KCTD5: variants seen among roughly 807,000 people sequenced by gnomAD.
KCTD5 encodes the protein potassium channel tetramerization domain containing 5.
Under a neutral mutation model 27.9 loss-of-function variants are expected in KCTD5, and 12 were observed. The ratio of observed to expected loss-of-function variants is 0.43; its 90% CI spans 0.28 to 0.70. KCTD5 has a LOEUF of 0.70. Ranked by LOEUF, KCTD5 falls within the 30% of genes least tolerant of loss-of-function variation. The pLI is 0.19. For missense variants in KCTD5, 226 were observed against 274.8 expected (o/e 0.82, Z 1.26); for synonymous variants, 147 against 121.4 (o/e 1.21, Z -1.39).
chr16:2,688,578 C>T (rs1388313154), intron 1 of KCTD5, among the ~76,000 whole-genome samples: 3 of 149,456 alleles, frequency 2.0e-5, no homozygotes, highest in Admixed American at 1.3e-4. Flanking sequence ...ACGCTTTTCC[C>T]CTCCCGCAGC....
intron 1 of KCTD5, among the ~76,000 whole-genome samples, chr16:2,690,678 A>G (rs959759012): frequency 2.0e-5 from 3 of 152,114 alleles, no homozygotes; most frequent in Admixed American, 6.5e-5. Flanking sequence ...TCCTCATCCC[A>G]GTCGTAGAGG....
chr16:2,707,918 A>G lies in KCTD5; in HGVS notation c.*591A>G, dbSNP rs926453214. On this transcript the variant is annotated 3_prime_UTR_variant, in exon 6 of 6. Coordinates refer to ENST00000301738, the MANE Select transcript of KCTD5 (RefSeq NM_018992.4). ...GGGCCTTCTTCTGACACGGGCTCCA[A>G]CCCCACCTGACCAAGCCCGGGACAG... 1 of 162,736 alleles carries G rather than the reference A, an allele frequency of 6.1e-6. No homozygotes were observed. Among genetic ancestry groups the G allele is most frequent in the African/African-American group, 2.4e-5 (1 of 41,744 alleles). 10.1% of individuals were successfully genotyped at this position (162,736 alleles called of 1,614,324 possible).
At chr16:2,703,593 C>T (rs566293264) in intron 5 of KCTD5, among the ~76,000 whole-genome samples, 33 of 152,296 alleles carry the variant, frequency 2.2e-4, no homozygotes, top group Admixed American at 1.9e-3. Context: ...GAGGTATGCC[C>T]TTGGGAACAG....
chr16:2,701,156 G>T (rs1297858154), intron 4 of KCTD5, among the ~76,000 whole-genome samples: 2 of 152,242 alleles, frequency 1.3e-5, no homozygotes, highest in African/African-American at 4.8e-5. Flanking sequence ...CCTGCCCGTG[G>T]TGGGCACCTG....
chr16:2,687,049 C>G (rs1216402362), intron 1 of KCTD5, among the ~76,000 whole-genome samples: 2 of 152,208 alleles, frequency 1.3e-5, no homozygotes, highest in Non-Finnish European at 2.9e-5. Flanking sequence ...ATCTTCTATT[C>G]TGGACCTCTG....
chr16:2,693,345 A>G (rs1281567373), intron 1 of KCTD5, among the ~76,000 whole-genome samples: 1 of 152,208 alleles, frequency 6.6e-6, no homozygotes, highest in Admixed American at 6.5e-5. Context: ...GCATCACCGC[A>G]CTGGGCCAGC....
chr16:2,701,658 T>A (rs2067612752), intron 4 of KCTD5, among the ~76,000 whole-genome samples: 1 of 152,212 alleles, frequency 6.6e-6, no homozygotes, highest in Non-Finnish European at 1.5e-5. Flanking sequence ...GAGGCCAAAG[T>A]GTGAGCCTCG....
intron 5 of KCTD5, among the ~76,000 whole-genome samples, chr16:2,705,961 T>C (rs1226281618): frequency 6.6e-6 from 1 of 152,156 alleles, no homozygotes; most frequent in Non-Finnish European, 1.5e-5. Flanking sequence ...TCCGCTGCGC[T>C]ACTTAGTTTT....
In KCTD5 at chr16:2,707,635, C is replaced by G. The variant is rs182293616; in HGVS notation, c.*308C>G. On this transcript the variant is annotated 3_prime_UTR_variant, in exon 6 of 6. Coordinates refer to ENST00000301738, the MANE Select transcript of KCTD5 (RefSeq NM_018992.4). ...ACACTCCCAGTCAGCCCGCTCGATC[C>G]TGAAGATCGTGTGAAGGAAGCGTTC... 1 of 597,356 alleles carries G rather than the reference C, an allele frequency of 1.7e-6. No homozygotes were observed. Among genetic ancestry groups the G allele is most frequent in the Non-Finnish European group, 3.0e-6 (1 of 335,580 alleles). The allele number at this position is 597,356 out of a possible 1,614,324, so 37.0% of individuals were successfully genotyped here.
chr16:2,692,102 C>G (rs1446181775), intron 1 of KCTD5, among the ~76,000 whole-genome samples: 1 of 152,198 alleles, frequency 6.6e-6, no homozygotes, highest in Non-Finnish European at 1.5e-5. Flanking sequence ...CAGGATCTCT[C>G]TTCAGGCACC....
At chr16:2,688,369 C>A (rs1413497417) in intron 1 of KCTD5, among the ~76,000 whole-genome samples, 1 of 151,582 alleles carries the variant, frequency 6.6e-6, no homozygotes, top group Non-Finnish European at 1.5e-5. Flanking sequence ...TCCTGCCCCA[C>A]CCTCCCAAGT....
Position 2,702,496 on chromosome 16 carries a change from C to A in KCTD5, c.675+18C>A. On this transcript the variant is annotated intron_variant, in intron 5 of 5. Transcript: ENST00000301738. ...AGGCCAAGGTGAGTGCTGGGCCGGC[C>A]CTGGCCTGGGGCAGTCTTGGGTGGG... 1.2e-6 allele frequency: 2 copies of A among 1,611,868 alleles called. No individual in the cohort carries two copies. Among genetic ancestry groups the A allele is most frequent in the Admixed American group, 3.3e-5 (2 of 59,930 alleles).
At chr16:2,687,763 A>G (rs1167400448) in intron 1 of KCTD5, among the ~76,000 whole-genome samples, 1 of 152,090 alleles carries the variant, frequency 6.6e-6, no homozygotes, top group Non-Finnish European at 1.5e-5. Context: ...GCCCCAGGTA[A>G]GCAGTCCCCA....
intron 1 of KCTD5, chr16:2,683,486 AGTTTT>A (rs2067527575): frequency 1.3e-5 from 2 of 152,026 alleles, no homozygotes; most frequent in Non-Finnish European, 2.9e-5. Context: ...TAATTGGCTT[AGTTTT>A]CCCACTGTCT....
intron 1 of KCTD5, among the ~76,000 whole-genome samples, chr16:2,688,581 C>T (rs1252905425): frequency 2.0e-5 from 3 of 149,288 alleles, no homozygotes. Context: ...CTTTTCCCCT[C>T]CCGCAGCCAC....
chr16:2,700,734 C>T (rs1267133790), intron 4 of KCTD5, among the ~76,000 whole-genome samples: 1 of 152,152 alleles, frequency 6.6e-6, no homozygotes, highest in Non-Finnish European at 1.5e-5. Flanking sequence ...AGCCAGTGTC[C>T]CTCTGAATGA....
At chr16:2,698,856 C>T (rs2067598468) in intron 3 of KCTD5, among the ~76,000 whole-genome samples, 1 of 152,216 alleles carries the variant, frequency 6.6e-6, no homozygotes. Context: ...CGCCCCGGGT[C>T]ACCTTGTCCA....
intron 5 of KCTD5, among the ~76,000 whole-genome samples, chr16:2,705,844 G>A (rs2067633267): frequency 6.6e-6 from 1 of 152,224 alleles, no homozygotes; most frequent in African/African-American, 2.4e-5. Flanking sequence ...CCTTGGGAGG[G>A]CGAAGGACAG....
At chr16:2,701,492 G>T (rs778859560) in intron 4 of KCTD5, among the ~76,000 whole-genome samples, 40 of 152,180 alleles carry the variant, frequency 2.6e-4, no homozygotes, top group Non-Finnish European at 4.0e-4. Flanking sequence ...GCTCCCAGGG[G>T]TACCCTTAGC....
Sources: allele counts gnomAD v4.1 joint callset (sites outside exome capture counted in the v4.1 genomes callset), GRCh38; gene constraint gnomAD v4.1.1; transcripts MANE v1.5; gene names NCBI Gene and HGNC (gene_info 2026-07-23, HGNC 2026-07-21).